LRIG1: variants seen among roughly 807,000 people sequenced by gnomAD.
LRIG1 encodes the protein leucine-rich repeats and immunoglobulin-like domains protein 1.
Under a neutral mutation model 99.2 loss-of-function variants are expected in LRIG1, and 48 were observed. The ratio of observed to expected loss-of-function variants is 0.48; its 90% CI spans 0.38 to 0.62. The LOEUF (loss-of-function observed/expected upper bound fraction) is 0.62. Among genes scored for constraint, LRIG1 ranks in the 20% least tolerant of loss-of-function variants. The probability of loss-of-function intolerance (pLI) is 0.00; values close to 1 mark genes in which losing one functional copy is unlikely to be tolerated. For synonymous variants in LRIG1, 772 were observed against 596.1 expected, an observed-to-expected ratio of 1.29 and a Z score of -4.30; for missense variants, 1,646 against 1,434.4, an observed-to-expected ratio of 1.15 and a Z score of -2.38.
chr3:66,448,008 C>A (rs1338410077), intron 3 of LRIG1, among the ~76,000 whole-genome samples: 1 of 152,196 alleles, frequency 6.6e-6, no homozygotes, highest in African/African-American at 2.4e-5. Flanking sequence ...TCACCGGAAC[C>A]CATTCTTATT....
chr3:66,494,564 A>C (rs929061207), intron 1 of LRIG1, among the ~76,000 whole-genome samples: 1 of 152,274 alleles, frequency 6.6e-6, no homozygotes. Context: ...AAAAAACTGA[A>C]GGACTTCTAT....
rs116631178 is a variant in LRIG1 at position 66,445,548 on chromosome 3, A to G, written c.365+6011T>C. ...GCCCACCTCGACTGTACACACACCTATGGTGCCCACAGGTCCAGCTAGGAA... is the reference window on the plus strand; with the variant it reads ...GCCCACCTCGACTGTACACACACCTGTGGTGCCCACAGGTCCAGCTAGGAA... On this transcript the variant is annotated intron_variant, in intron 3 of 18. Coordinates refer to ENST00000273261, the MANE Select transcript of LRIG1 (RefSeq NM_015541.3). Among the ~76,000 whole-genome samples the G allele has an allele frequency of 4.7e-3, 714 of 152,280 alleles. 11 individuals are homozygous for G. The highest frequency in any genetic ancestry group is 0.012 in the African/African-American group (519 of 41,556).
chr3:66,444,370 C>T (rs770660879), intron 3 of LRIG1, among the ~76,000 whole-genome samples: 9 of 142,070 alleles, frequency 6.3e-5, no homozygotes, highest in Non-Finnish European at 1.1e-4. Context: ...GCTCACTCTG[C>T]CCACTGCCCC....
chr3:66,413,574 C>A (rs1451159431), intron 5 of LRIG1, among the ~76,000 whole-genome samples: 2 of 152,216 alleles, frequency 1.3e-5, no homozygotes, highest in Non-Finnish European at 1.5e-5. Context: ...CCCCACAAGT[C>A]ATATACACTT....
intron 8 of LRIG1, 88 bp from the exon 9 acceptor site, chr3:66,405,366 A>G: frequency 9.2e-7 from 1 of 1,085,544 alleles, no homozygotes; most frequent in Non-Finnish European, 1.4e-6. Context: ...CGGAAGCTGA[A>G]GTCCCCTGGG....
At chr3:66,468,077 A>G (rs1020376607) in intron 1 of LRIG1, among the ~76,000 whole-genome samples, 1 of 152,240 alleles carries the variant, frequency 6.6e-6, no homozygotes, top group Non-Finnish European at 1.5e-5. Context: ...ATAGGCTTAA[A>G]CGGTATTTAT....
intron 3 of LRIG1, among the ~76,000 whole-genome samples, chr3:66,442,474 G>A (rs1703573407): frequency 6.6e-6 from 1 of 152,030 alleles, no homozygotes; most frequent in Non-Finnish European, 1.5e-5. Flanking sequence ...GGAGGAGGAG[G>A]AAATGGTCCC....
At chr3:66,485,855 G>GTA (rs1700961015) in intron 1 of LRIG1, among the ~76,000 whole-genome samples, 1 of 152,156 alleles carries the variant, frequency 6.6e-6, no homozygotes, top group Non-Finnish European at 1.5e-5. Flanking sequence ...AAGACACCAT[G>GTA]TATAGAGCAC....
chr3:66,406,213 T>C (rs1387209075), intron 8 of LRIG1: 1 of 985,282 alleles, frequency 1.0e-6, no homozygotes, highest in Non-Finnish European at 1.2e-6. Flanking sequence ...GGTCAAATAG[T>C]GGAGATTCTG....
intron 1 of LRIG1, chr3:66,469,302 A>G (rs1175229406): frequency 1.3e-5 from 2 of 152,216 alleles, no homozygotes; most frequent in African/African-American, 2.4e-5. Flanking sequence ...TGTATCTCAC[A>G]AAGTCAGTAA....
At chr3:66,382,468 C>T (rs369686807) in intron 15 of LRIG1, 70 bp from the exon 16 acceptor site, 1 of 1,579,422 alleles carries the variant, frequency 6.3e-7, no homozygotes, top group Non-Finnish European at 8.7e-7. Flanking sequence ...CGTTCACTGT[C>T]AAGCTCAGAA....
At position 66,500,262 on chromosome 3, in the gene LRIG1, C is replaced by T. The variant is rs1395895668; in HGVS notation, c.146G>A (p.Gly49Glu). ...APCAAACTCA[G>E]DSLDCGGRGL... ...GCGCCCACCGCAGTCCAGCGAGTCC[C>T]CAGCGCAAGTGCAGGCGGCCGCGCA... is the stretch of plus-strand genomic sequence containing the variant. The change falls in exon 1 of 19, where the codon GGG (glycine) becomes GAG (glutamate). Residue 49 changes from glycine to glutamate, a missense_variant. Coordinates refer to ENST00000273261, the MANE Select transcript of LRIG1 (RefSeq NM_015541.3). 6.7e-7 allele frequency: 1 copy of T among 1,503,720 alleles called. No individual in the cohort carries two copies. Among genetic ancestry groups the T allele is most frequent in the South Asian group, 1.2e-5 (1 of 81,264 alleles). The allele number at this position is 1,503,720 out of a possible 1,614,324, so 93.1% of individuals were successfully genotyped here.
At chr3:66,417,446 T>C in intron 3 of LRIG1, 180 bp from the exon 4 acceptor site, 2 of 644,914 alleles carry the variant, frequency 3.1e-6, no homozygotes, top group Non-Finnish European at 5.2e-6. Flanking sequence ...GCTAGGAGAA[T>C]ATTGGATTTT....
At chr3:66,423,569 C>T (rs905340227) in intron 3 of LRIG1, among the ~76,000 whole-genome samples, 12 of 152,230 alleles carry the variant, frequency 7.9e-5, no homozygotes, top group African/African-American at 2.7e-4. Context: ...AAAACTCCAT[C>T]TCAAAAGAAA....
rs538672788 is a variant in LRIG1, at chr3:66,419,963, C to A, written c.366-2697G>T. 2.6e-5 allele frequency among the ~76,000 whole-genome samples: 4 copies of A among 152,326 alleles called. No individual in the cohort carries two copies. In the East Asian group the frequency reaches 5.8e-4, roughly 22 times the overall value. On this transcript the variant is annotated intron_variant, in intron 3 of 18. Coordinates refer to ENST00000273261, the MANE Select transcript of LRIG1 (RefSeq NM_015541.3). ...CCTTCCATCCTTGCCCACTTACAGT[C>A]TATTCCCAACCCAGCAGCCAGAGAG...
At chr3:66,480,594 G>A (rs2106893862) in intron 1 of LRIG1, among the ~76,000 whole-genome samples, 1 of 152,144 alleles carries the variant, frequency 6.6e-6, no homozygotes, top group South Asian at 2.1e-4. Flanking sequence ...CGTGCCAGGA[G>A]ATAAATGAAC....
At chr3:66,467,582 T>C (rs9842430) in intron 1 of LRIG1, among the ~76,000 whole-genome samples, 6,030 of 152,024 alleles carry the variant, frequency 0.04, 407 homozygotes, top group African/African-American at 0.14. Context: ...AGGATGGTCT[T>C]GATCTCCTGA....
chr3:66,386,443 C>A lies in LRIG1; in HGVS notation c.1469-142G>T, dbSNP rs184270928. ...CCCTGTGCATCCTCAGCCCCACCAA[C>A]CAGATGCCGTAAGAGTTGCACCATG... On this transcript the variant is annotated intron_variant, in intron 12 of 18. Transcript: ENST00000273261. 7 of 677,950 alleles carry A rather than the reference C, an allele frequency of 1.0e-5. No homozygotes were observed. The East Asian group carries it at 1.5e-4, about 15-fold the overall frequency. 42.0% of individuals were successfully genotyped at this position (677,950 alleles called of 1,614,324 possible).
At chr3:66,467,409 G>A (rs1299904246) in intron 1 of LRIG1, among the ~76,000 whole-genome samples, 3 of 146,072 alleles carry the variant, frequency 2.1e-5, no homozygotes, top group African/African-American at 7.7e-5. Context: ...CGCCCAGGCT[G>A]GCGTGCAGCG....
Sources: allele counts gnomAD v4.1 joint callset (sites outside exome capture counted in the v4.1 genomes callset), GRCh38; gene constraint gnomAD v4.1.1; transcripts MANE v1.5; gene names NCBI Gene and HGNC (gene_info 2026-07-23, HGNC 2026-07-21).